CENPC: variants seen among roughly 807,000 people sequenced by gnomAD.
CENPC encodes the protein centromere protein C.
Under a neutral mutation model 112.1 loss-of-function variants are expected in CENPC, and 63 were observed. The observed-to-expected ratio is 0.56, with a 90% confidence interval of 0.46 to 0.69. CENPC has a LOEUF of 0.69. Ranked by LOEUF, CENPC falls within the 30% of genes least tolerant of loss-of-function variation. The pLI is 0.00. For missense variants in CENPC, 1,000 were observed against 1,103.8 expected, an observed-to-expected ratio of 0.91 and a Z score of 1.33; for synonymous variants, 333 against 367.6, an observed-to-expected ratio of 0.91 and a Z score of 1.08.
chr4:67,473,194 G>A (rs1273813660), intron 18 of CENPC, among the ~76,000 whole-genome samples: 2 of 151,952 alleles, frequency 1.3e-5, no homozygotes, highest in East Asian at 3.9e-4. Flanking sequence ...GCCTCCCTGA[G>A]AGCTGGGATT....
chr4:67,500,041 T>C (rs1725548672), intron 12 of CENPC, among the ~76,000 whole-genome samples: 1 of 151,968 alleles, frequency 6.6e-6, no homozygotes, highest in East Asian at 1.9e-4. Context: ...CCCAAAACAA[T>C]TACAATAGTA....
At position 67,545,449 on chromosome 4, in the gene CENPC, T is replaced by C. The variant is rs1727008019; in HGVS notation, c.-94A>G. Reference sequence around the variant, plus strand: ...CCGAGCAAGAAACGAATCGCCGGAATACCAGGCCGCGGCCAAGCAATAACC... The same window carrying C: ...CCGAGCAAGAAACGAATCGCCGGAACACCAGGCCGCGGCCAAGCAATAACC... On this transcript the variant is annotated 5_prime_UTR_variant, in exon 1 of 19. Coordinates refer to ENST00000273853, the MANE Select transcript of CENPC (RefSeq NM_001812.4). 2.9e-5 allele frequency: 39 copies of C among 1,328,114 alleles called. No individual in the cohort carries two copies. The highest frequency in any genetic ancestry group is 2.4e-4 in the Middle Eastern group (1 of 4,154). The allele number at this position is 1,328,114 out of a possible 1,614,324, so 82.3% of individuals were successfully genotyped here. A position where few individuals can be genotyped will look rare whatever the true frequency, so the allele number is the denominator to read the frequency against.
chr4:67,476,584 G>A (rs1236076221), intron 17 of CENPC, among the ~76,000 whole-genome samples: 1 of 152,182 alleles, frequency 6.6e-6, no homozygotes, highest in African/African-American at 2.4e-5. Context: ...GGCTGCCAGT[G>A]GAACTGGGGG....
At position 67,509,020 on chromosome 4, in the gene CENPC, C is replaced by A; in HGVS notation, c.1698G>T (p.Gln566His). ...SSRKSTKKTN[Q>H]SSKNIRKKTI... ...TTTTTTTCCTAATATTCTTAGATGA[C>A]TGATTTGTTTTCTTAGTAGATTTTC... Residue 566 changes from glutamine to histidine, a missense_variant, in exon 10 of 19, where the codon CAG becomes CAT. Physicochemically the swap from Gln to His is conservative, Grantham distance 24. Coordinates refer to ENST00000273853, the MANE Select transcript of CENPC (RefSeq NM_001812.4). The A allele has an allele frequency of 6.2e-7, 1 of 1,612,918 alleles. No homozygotes were observed. The highest frequency in any genetic ancestry group is 2.2e-5 in the East Asian group (1 of 44,836).
At chr4:67,541,604 T>C (rs1031700444) in intron 2 of CENPC, among the ~76,000 whole-genome samples, 37 of 152,326 alleles carry the variant, frequency 2.4e-4, no homozygotes, top group African/African-American at 8.9e-4. Flanking sequence ...TTTGCAAAAC[T>C]ATAGCATATT....
intron 17 of CENPC, among the ~76,000 whole-genome samples, chr4:67,489,483 C>G (rs907342838): frequency 1.3e-4 from 19 of 151,874 alleles, no homozygotes; most frequent in African/African-American, 4.1e-4. Context: ...TTACTTTTTT[C>G]TCAGGTTACT....
intron 4 of CENPC, among the ~76,000 whole-genome samples, chr4:67,531,348 A>G (rs1393333271): frequency 6.6e-6 from 1 of 152,216 alleles, no homozygotes; most frequent in African/African-American, 2.4e-5. Flanking sequence ...TAGACACGTA[A>G]AACACTGTAG....
intron 5 of CENPC, among the ~76,000 whole-genome samples, chr4:67,526,671 T>G (rs1726389134): frequency 1.3e-5 from 2 of 152,208 alleles, no homozygotes; most frequent in Non-Finnish European, 1.5e-5. Flanking sequence ...AAGGCAAATA[T>G]TACCTTGATA....
intron 5 of CENPC, among the ~76,000 whole-genome samples, chr4:67,523,976 G>T (rs1477226772): frequency 6.6e-6 from 1 of 151,394 alleles, no homozygotes; most frequent in African/African-American, 2.4e-5. Flanking sequence ...AAACAGTAAT[G>T]AATTATAAAG....
chr4:67,498,611 A>G (rs1166103875), intron 12 of CENPC, among the ~76,000 whole-genome samples: 1 of 152,196 alleles, frequency 6.6e-6, no homozygotes. Context: ...GTTCTTCCAT[A>G]AGAAGCAACT....
At chr4:67,516,102 A>G (rs768254706) in intron 7 of CENPC, among the ~76,000 whole-genome samples, 5 of 152,050 alleles carry the variant, frequency 3.3e-5, no homozygotes, top group Non-Finnish European at 7.3e-5. Context: ...TCATAAAAGC[A>G]TGTACATGTT....
At chr4:67,539,128 C>A (rs1311792140) in intron 4 of CENPC, among the ~76,000 whole-genome samples, 1 of 152,088 alleles carries the variant, frequency 6.6e-6, no homozygotes, top group Non-Finnish European at 1.5e-5. Context: ...ACTTTATGAC[C>A]AAGTCAAGTT....
chr4:67,491,511 A>AGAGG (rs1553893236), intron 16 of CENPC, among the ~76,000 whole-genome samples: 1,256 of 113,326 alleles, frequency 0.011, 31 homozygotes, highest in East Asian at 0.085. Context: ...AGAGAGAGAG[A>AGAGG]GAGAGAGAGA....
intron 17 of CENPC, among the ~76,000 whole-genome samples, chr4:67,477,914 G>C (rs950596389): frequency 2.0e-5 from 3 of 151,790 alleles, no homozygotes; most frequent in Admixed American, 2.0e-4. Flanking sequence ...AAATACATTA[G>C]AAAGTTTTAA....
In CENPC at chr4:67,526,353, C is replaced by CA. The variant is rs201104646; in HGVS notation, c.331+4461dup. ...AGTAAAAAAAATATTTAAAAAAACT[C>CA]AAAAAAAAAATAGGGTAGTGCTATG... is the stretch of plus-strand genomic sequence containing the variant. On this transcript the variant is annotated intron_variant, in intron 5 of 18. Coordinates refer to ENST00000273853, the MANE Select transcript of CENPC (RefSeq NM_001812.4). 5.2e-3 allele frequency among the ~76,000 whole-genome samples: 763 copies of CA among 145,778 alleles called. 5 individuals carry two copies. The highest frequency in any genetic ancestry group is 0.034 in the East Asian group (169 of 5,040).
chr4:67,532,963 C>T (rs1243200904), intron 4 of CENPC, among the ~76,000 whole-genome samples: 3 of 152,094 alleles, frequency 2.0e-5, no homozygotes, highest in Non-Finnish European at 2.9e-5. Context: ...TCAAATCTCC[C>T]GAGTCCTTTT....
At chr4:67,525,082 T>C (rs1167703825) in intron 5 of CENPC, among the ~76,000 whole-genome samples, 1 of 152,108 alleles carries the variant, frequency 6.6e-6, no homozygotes, top group Non-Finnish European at 1.5e-5. Flanking sequence ...GAGGAAAGGA[T>C]TCTCTGTTTA....
intron 15 of CENPC, 111 bp from the exon 16 acceptor site, chr4:67,492,386 AAAG>A (rs1422431670): frequency 3.4e-6 from 2 of 586,330 alleles, no homozygotes; most frequent in East Asian, 6.0e-5. Context: ...TGTCAAACGC[AAAG>A]AAGTCTCTTC....
rs58690134 is a variant in CENPC at position 67,470,583 on chromosome 4, A to AAAAAAAGAAAAG, written c.*2021_*2022insCTTTTCTTTTTT. On this transcript the variant is annotated 3_prime_UTR_variant, in exon 19 of 19. Transcript: ENST00000273853. ...GTGAAACTCTGCCTCAAAAAAAAAA[A>AAAAAAAGAAAAG]AAAAGAAAAGAAAAGAAAAAAGAAA... 3 of 110,632 alleles carry AAAAAAAGAAAAG rather than the reference A, an allele frequency of 2.7e-5. No individual in the cohort carries two copies. The highest frequency in any genetic ancestry group is 1.0e-4 in the African/African-American group (3 of 28,752). 6.9% of individuals were successfully genotyped at this position (110,632 alleles called of 1,614,324 possible). A position where few individuals can be genotyped will look rare whatever the true frequency, so the allele number is the denominator to read the frequency against.
Sources: gnomAD v4.1 joint callset for allele counts (sites outside exome capture counted in the v4.1 genomes callset) on GRCh38, gnomAD v4.1.1 for gene constraint, MANE v1.5 for transcripts, NCBI Gene and HGNC (gene_info 2026-07-23, HGNC 2026-07-21) for gene names.